The following ARHGAP21 variants were observed in gnomAD, a reference collection of about 807,000 sequenced individuals.
ARHGAP21 encodes Rho GTPase activating protein 21.
Under a neutral mutation model 164.6 loss-of-function variants are expected in ARHGAP21, and 38 were observed. The observed-to-expected ratio is 0.23, with a 90% CI of 0.18 to 0.30. ARHGAP21 has a LOEUF of 0.30. Among genes scored for constraint, ARHGAP21 ranks in the 10% least tolerant of loss-of-function variants. The probability of loss-of-function intolerance (pLI) is 1.00; values close to 1 mark genes in which losing one functional copy is unlikely to be tolerated. For missense variants in ARHGAP21, 1,822 were observed against 2,370.7 expected, an observed-to-expected ratio of 0.77 and a Z score of 4.81; for synonymous variants, 766 against 857.9, an observed-to-expected ratio of 0.89 and a Z score of 1.87.
intron 11 of ARHGAP21, among the ~76,000 whole-genome samples, chr10:24,605,470 G>GGCTAAAATA: frequency 6.6e-6 from 1 of 152,188 alleles, no homozygotes; most frequent in East Asian, 1.9e-4. Context: ...AAGAAATAAA[G>GGCTAAAATA]GCTAAAATAG....
intron 7 of ARHGAP21, among the ~76,000 whole-genome samples, chr10:24,624,398 G>A (rs1036644106): frequency 7.6e-5 from 11 of 144,186 alleles, no homozygotes; most frequent in Non-Finnish European, 1.5e-4. Flanking sequence ...GGAGTGCAGT[G>A]GCGCAATCTT....
Position 24,670,280 on chromosome 10 carries a change from C to G in ARHGAP21, c.181G>C (p.Gly61Arg), listed in dbSNP as rs1439216031. ...ACAATAAAATGTCTTAATGTAAAAC[C>G]AAAGCCTTGAGATGTTCTTTTCAAC... ...VTLKRTSQGF[G>R]FTLRHFIVYP... Residue 61 changes from glycine (G) to arginine (R), a missense_variant, in exon 3 of 26, where the codon GGT becomes CGT. Physicochemically the swap from Gly to Arg is moderately radical, Grantham distance 125. Around this residue, in one of 5 missense-constraint regions of ARHGAP21, gnomAD observed 1,090 missense variants for 1,378.9 expected, o/e 0.79. Transcript: ENST00000396432. 4.3e-5 allele frequency: 69 copies of G among 1,605,104 alleles called. No homozygotes were observed. Among genetic ancestry groups the G allele is most frequent in the Non-Finnish European group, 5.9e-5 (69 of 1,175,326 alleles).
chr10:24,584,566 C>CTGTT lies in ARHGAP21; in HGVS notation c.5719_5722dup (p.Arg1908LysfsTer13), dbSNP rs748308745. On this transcript the variant is annotated frameshift_variant, in exon 26 of 26. Coordinates refer to ENST00000396432, the MANE Select transcript of ARHGAP21 (RefSeq NM_020824.4). LOFTEE classifies it low-confidence loss of function (END_TRUNC). The stretch of plus-strand genomic sequence containing the variant: ...CTGTGGTGGTATGGAAAGAAGGGGC[C>CTGTT]TGTTTGTTGAAGCCAAGGTGCTGGA... 6.2e-7 allele frequency: 1 copy of CTGTT among 1,613,802 alleles called. No individual in the cohort carries two copies. The highest frequency in any genetic ancestry group is 2.2e-5 in the East Asian group (1 of 44,878).
chr10:24,707,973 G>A (rs1425883362), intron 2 of ARHGAP21, among the ~76,000 whole-genome samples: 2 of 152,144 alleles, frequency 1.3e-5, no homozygotes, highest in African/African-American at 2.4e-5. Flanking sequence ...CTTTCTGCCT[G>A]TATACAGCAG....
At chr10:24,709,337 G>C (rs1844548028) in intron 2 of ARHGAP21, among the ~76,000 whole-genome samples, 1 of 152,030 alleles carries the variant, frequency 6.6e-6, no homozygotes, top group South Asian at 2.1e-4. Flanking sequence ...AACATACAAA[G>C]AACTAAAAAG....
intron 2 of ARHGAP21, among the ~76,000 whole-genome samples, chr10:24,707,275 A>C (rs1316929677): frequency 6.6e-6 from 1 of 152,256 alleles, no homozygotes; most frequent in Admixed American, 6.5e-5. Flanking sequence ...CATTTGTAAG[A>C]TGGAGACATA....
chr10:24,607,099 A>C (rs2077058071), intron 11 of ARHGAP21, among the ~76,000 whole-genome samples: 1 of 152,228 alleles, frequency 6.6e-6, no homozygotes, highest in South Asian at 2.1e-4. Flanking sequence ...GCATTTAAGG[A>C]TCTCTAAGAT....
intron 2 of ARHGAP21, among the ~76,000 whole-genome samples, chr10:24,673,849 A>T (rs1213213917): frequency 1.3e-5 from 2 of 152,082 alleles, no homozygotes; most frequent in Non-Finnish European, 2.9e-5. Flanking sequence ...GTGCAGAGTG[A>T]GACTCTGTCT....
At chr10:24,700,067 G>A (rs546696959) in intron 2 of ARHGAP21, among the ~76,000 whole-genome samples, 1 of 152,264 alleles carries the variant, frequency 6.6e-6, no homozygotes, top group Non-Finnish European at 1.5e-5. Flanking sequence ...TACTGCTGGT[G>A]AAATACAGAA....
At chr10:24,642,346 T>C (rs1035719902) in intron 4 of ARHGAP21, among the ~76,000 whole-genome samples, 4 of 151,518 alleles carry the variant, frequency 2.6e-5, no homozygotes, top group Non-Finnish European at 4.4e-5. Flanking sequence ...AAACCCCGTC[T>C]CTACTAAAAA....
Position 24,656,411 on chromosome 10 carries a change from G to A in ARHGAP21, c.268+10574C>T, listed in dbSNP as rs1290597008. Among the ~76,000 whole-genome samples, 13 of 89,610 alleles carry A rather than the reference G, an allele frequency of 1.5e-4. No homozygotes were observed. In the East Asian group the frequency reaches 1.8e-3, roughly 12 times the overall value. The allele number at this position is 89,610 out of a possible 152,430, so 58.8% of individuals were successfully genotyped here. On this transcript the variant is annotated intron_variant, in intron 4 of 25. Coordinates refer to ENST00000396432, the MANE Select transcript of ARHGAP21 (RefSeq NM_020824.4). ...AGGTGGGGGGGTCAGCCCTCCGCCC[G>A]GCCAGCCGCCCCGTCTGGGAGGTGA...
At chr10:24,662,470 C>T (rs974111107) in intron 4 of ARHGAP21, among the ~76,000 whole-genome samples, 1 of 152,064 alleles carries the variant, frequency 6.6e-6, no homozygotes, top group Admixed American at 6.6e-5. Context: ...TATCTCATAC[C>T]TTACAGGGTT....
At chr10:24,592,200 T>C (rs997212843) in intron 21 of ARHGAP21, among the ~76,000 whole-genome samples, 188 bp from the exon 22 acceptor site, 1 of 146,122 alleles carries the variant, frequency 6.8e-6, no homozygotes, top group African/African-American at 2.6e-5. Context: ...GGGTCTCACG[T>C]TCACCCAGGC....
In ARHGAP21 at chr10:24,617,886, A is replaced by G. The variant is rs561269131; in HGVS notation, c.2422+1587T>C. Among the ~76,000 whole-genome samples, 4 of 151,874 alleles carry G rather than the reference A, an allele frequency of 2.6e-5. No individual in the cohort carries two copies. The East Asian group carries it at 7.7e-4, about 29-fold the overall frequency. On this transcript the variant is annotated intron_variant, in intron 9 of 25. Coordinates refer to ENST00000396432, the MANE Select transcript of ARHGAP21 (RefSeq NM_020824.4). ...AAACCCATGGGACACCAGGGGGACT[A>G]CAAGTATGGCCTTGGTTGGTGGCAA...
chr10:24,653,995 C>T (rs946791689), intron 4 of ARHGAP21, among the ~76,000 whole-genome samples: 10 of 151,928 alleles, frequency 6.6e-5, no homozygotes, highest in Admixed American at 3.3e-4. Flanking sequence ...GACTTGGTAA[C>T]CAGAATATAT....
chr10:24,608,683 T>G (rs2077133129), intron 9 of ARHGAP21, among the ~76,000 whole-genome samples: 1 of 152,192 alleles, frequency 6.6e-6, no homozygotes, highest in Admixed American at 6.5e-5. Context: ...TCAAGAGGAC[T>G]GATAATGTTA....
At chr10:24,639,854 A>C (rs1836806260) in intron 4 of ARHGAP21, among the ~76,000 whole-genome samples, 1 of 151,762 alleles carries the variant, frequency 6.6e-6, no homozygotes, top group Admixed American at 6.6e-5. Context: ...AGACAAAATC[A>C]TTTGCAACAT....
In ARHGAP21 at chr10:24,607,833, A is replaced by G. The variant is rs1352797964; in HGVS notation, c.2493T>C (p.Ser831=). The change falls in exon 10 of 26, where the codon TCT becomes TCC. Residue 831 remains serine (S), a synonymous_variant. Transcript: ENST00000396432. ...TTGCTATGGAGGGGACCTGAGAGGT[A>G]GAGGCTGATATAACAGCAGAGGCAG... ...HIPASAVISA[S]TSQVPSIATV... 3.1e-6 allele frequency: 5 copies of G among 1,614,038 alleles called. No homozygotes were observed. The highest frequency in any genetic ancestry group is 1.3e-5 in the African/African-American group (1 of 74,938).
intron 4 of ARHGAP21, among the ~76,000 whole-genome samples, chr10:24,635,374 G>GT (rs1199047222): frequency 2.0e-5 from 3 of 152,080 alleles, no homozygotes; most frequent in Non-Finnish European, 2.9e-5. Context: ...ACTAAATACT[G>GT]TATCTCAGAG....
Sources: allele counts gnomAD v4.1 joint callset (sites outside exome capture counted in the v4.1 genomes callset), GRCh38; gene constraint gnomAD v4.1.1; regional missense constraint gnomAD v4.1.1; transcripts MANE v1.5; gene names NCBI Gene and HGNC (gene_info 2026-07-23, HGNC 2026-07-21).